The following ZKSCAN2 variants were observed in gnomAD, a reference collection of about 807,000 sequenced individuals.
The protein encoded by ZKSCAN2 is zinc finger with KRAB and SCAN domains 2.
Under a neutral mutation model 90.5 loss-of-function variants are expected in ZKSCAN2, and 38 were observed. That is an observed-to-expected ratio of 0.42 (90% confidence interval 0.32 to 0.55). The LOEUF (loss-of-function observed/expected upper bound fraction) is 0.55. ZKSCAN2 is among the 20% of genes least tolerant of loss of function. The probability of loss-of-function intolerance (pLI) is 0.11; values close to 1 mark genes in which losing one functional copy is unlikely to be tolerated. For missense variants in ZKSCAN2, 1,167 were observed against 1,202.6 expected (o/e 0.97, Z 0.44); for synonymous variants, 429 against 421.6 (o/e 1.02, Z -0.22).
chr16:25,257,366 G>T lies in ZKSCAN2; in HGVS notation c.-239C>A. 8.0e-7 allele frequency: 1 copy of T among 1,256,374 alleles called. No individual in the cohort carries two copies. Among genetic ancestry groups the T allele is most frequent in the East Asian group, 3.2e-5 (1 of 30,860 alleles). The allele number at this position is 1,256,374 out of a possible 1,614,324, so 77.8% of individuals were successfully genotyped here. On this transcript the variant is annotated 5_prime_UTR_variant, in exon 1 of 7. It introduces an in-frame stop codon into an upstream open reading frame of the 5' UTR. Coordinates refer to ENST00000328086, the MANE Select transcript of ZKSCAN2 (RefSeq NM_001012981.5). ...TCTTCTCCAAACAAGATGTGACCGC[G>T]CAATGTGGTTTTCCAGAGTGCATCC...
At chr16:25,246,566 T>G in intron 5 of ZKSCAN2, 141 bp downstream of exon 5, 1 of 826,360 alleles carries the variant, frequency 1.2e-6, no homozygotes, top group Non-Finnish European at 2.0e-6. Context: ...TGAGAGTACT[T>G]CAGTGATGTG....
chr16:25,256,886 T>C lies in ZKSCAN2; in HGVS notation c.242A>G (p.Lys81Arg). The C allele has an allele frequency of 6.2e-7, 1 of 1,614,216 alleles. No individual in the cohort carries two copies. Reference protein sequence around the residue: ...CRWLKPEMRSKEQILELLVIE... With the variant: ...CRWLKPEMRSREQILELLVIE... Reference sequence around the variant, plus strand: ...CACCAGCAGCTCAAGTATTTGCTCCTTGGAACGCATTTCTGGCTTCAGCCA... The same window carrying C: ...CACCAGCAGCTCAAGTATTTGCTCCCTGGAACGCATTTCTGGCTTCAGCCA... The change falls in exon 1 of 7, where the codon AAG becomes AGG. Residue 81 changes from lysine (K) to arginine (R), a missense_variant. Physicochemically the swap from Lys to Arg is conservative, Grantham distance 26. Transcript: ENST00000328086.
At chr16:25,247,937 G>T (rs1224331631) in intron 4 of ZKSCAN2, among the ~76,000 whole-genome samples, 5 of 152,132 alleles carry the variant, frequency 3.3e-5, no homozygotes, top group African/African-American at 1.2e-4. Context: ...GAGCATAGAA[G>T]GAAGTCCACA....
intron 4 of ZKSCAN2, among the ~76,000 whole-genome samples, chr16:25,247,928 A>G (rs1242574978): frequency 6.6e-6 from 1 of 152,194 alleles, no homozygotes; most frequent in Non-Finnish European, 1.5e-5. Context: ...CAGAATAGAG[A>G]GCATAGAAGG....
At chr16:25,242,067 G>C (rs940756377) in intron 6 of ZKSCAN2, among the ~76,000 whole-genome samples, 2 of 152,096 alleles carry the variant, frequency 1.3e-5, no homozygotes, top group Non-Finnish European at 2.9e-5. Flanking sequence ...TGGGGTGTAT[G>C]TTGCCCAGGC....
Position 25,240,516 on chromosome 16 carries a change from G to T in ZKSCAN2, c.2204C>A (p.Ala735Asp). ...CACAAAAGGCCTCTGATGCACAACG[G>T]CTTTCCCTAAATCTCTAGGCTGAGA... ...PMSQPRDLGK[A>D]VVHQRPFVGK... Residue 735 changes from alanine (A) to aspartate (D), a missense_variant, in exon 7 of 7, where the codon GCC becomes GAC. Coordinates refer to ENST00000328086, the MANE Select transcript of ZKSCAN2 (RefSeq NM_001012981.5). 1 of 1,614,090 alleles carries T rather than the reference G, an allele frequency of 6.2e-7. No homozygotes were observed. Among genetic ancestry groups the T allele is most frequent in the Non-Finnish European group, 8.5e-7 (1 of 1,180,012 alleles).
Position 25,238,582 on chromosome 16 carries a change from A to G in ZKSCAN2, c.*1234T>C, listed in dbSNP as rs1449362226. ...GATTGAAGTTTTTATAAATGTTCCC[A>G]CTTTTCACCCAGTGAGCTCTAGAGT... is the stretch of plus-strand genomic sequence containing the variant. On this transcript the variant is annotated 3_prime_UTR_variant, in exon 7 of 7. Coordinates refer to ENST00000328086, the MANE Select transcript of ZKSCAN2 (RefSeq NM_001012981.5). 1 of 152,174 alleles carries G rather than the reference A, an allele frequency of 6.6e-6. No individual in the cohort carries two copies. The highest frequency in any genetic ancestry group is 1.5e-5 in the Non-Finnish European group (1 of 68,018). 9.4% of individuals were successfully genotyped at this position (152,174 alleles called of 1,614,324 possible).
chr16:25,257,490 G>A lies in ZKSCAN2; in HGVS notation c.-363C>T. ...GCGGAGGCGGACAGCCGGGCCGGGA[G>A]GGGGTGTGTCCGCTACTCCCGGGTC... is the stretch of plus-strand genomic sequence containing the variant. On this transcript the variant is annotated 5_prime_UTR_variant, in exon 1 of 7. Coordinates refer to ENST00000328086, the MANE Select transcript of ZKSCAN2 (RefSeq NM_001012981.5). The A allele has an allele frequency of 4.0e-6, 4 of 1,006,490 alleles. No individual in the cohort carries two copies. In the South Asian group the frequency reaches 1.4e-4, roughly 34 times the overall value. The allele number at this position is 1,006,490 out of a possible 1,614,324, so 62.3% of individuals were successfully genotyped here.
chr16:25,242,468 T>A (rs774284378), intron 6 of ZKSCAN2, among the ~76,000 whole-genome samples: 1 of 152,176 alleles, frequency 6.6e-6, no homozygotes, highest in Non-Finnish European at 1.5e-5. Flanking sequence ...CTTAATCTAG[T>A]GTTATGGGAA....
rs918502973 is a variant in ZKSCAN2 at position 25,236,934 on chromosome 16, T to C, written c.*2882A>G. 2.6e-5 allele frequency: 4 copies of C among 152,574 alleles called. No homozygotes were observed. The highest frequency in any genetic ancestry group is 9.7e-5 in the African/African-American group (4 of 41,432). 9.5% of individuals were successfully genotyped at this position (152,574 alleles called of 1,614,324 possible). On this transcript the variant is annotated 3_prime_UTR_variant, in exon 7 of 7. Coordinates refer to ENST00000328086, the MANE Select transcript of ZKSCAN2 (RefSeq NM_001012981.5). Reference sequence around the variant, plus strand: ...GAAATAAGATGAAATTAAATAAATATAGGTTGGGGTAGTTGGTTGAGGTGG... The same window carrying C: ...GAAATAAGATGAAATTAAATAAATACAGGTTGGGGTAGTTGGTTGAGGTGG...
chr16:25,246,985 T>C lies in ZKSCAN2; in HGVS notation c.1211A>G (p.Tyr404Cys), dbSNP rs767784122. Residue 404 changes from tyrosine (Y) to cysteine (C), a missense_variant, in exon 5 of 7, where the codon TAT (tyrosine) becomes TGT (cysteine). Transcript: ENST00000328086. ...CATGTGGCCATTTCTCACCTTTCGA[T>C]AGCTTTTCTGGAGACTTTTGAACTT... is the stretch of plus-strand genomic sequence containing the variant. ...RTKFKSLQKS[Y>C]RKVRNGHMLE... 3.1e-6 allele frequency: 5 copies of C among 1,614,064 alleles called. No individual in the cohort carries two copies. The African/African-American group carries it at 4.0e-5, about 13-fold the overall frequency.
rs775742455 is a variant in ZKSCAN2, at chr16:25,247,127, C to G, written c.1069G>C (p.Glu357Gln). 3.1e-6 allele frequency: 5 copies of G among 1,614,088 alleles called. No individual in the cohort carries two copies. Among genetic ancestry groups the G allele is most frequent in the Admixed American group, 1.7e-5 (1 of 60,002 alleles). Residue 357 changes from glutamate to glutamine, a missense_variant, in exon 5 of 7, where the codon GAG becomes CAG. Transcript: ENST00000328086. ...ETKTFLAILK[E>Q]SRFYETLQAC... ...TGAAGTGTTTCATAAAAGCGAGACT[C>G]TTTGAGAATTGCCAGGAAAGTCTTT...
chr16:25,240,919 T>G (rs189056284), intron 6 of ZKSCAN2, among the ~76,000 whole-genome samples, 181 bp from the exon 7 acceptor site: 1 of 152,188 alleles, frequency 6.6e-6, no homozygotes, highest in African/African-American at 2.4e-5. Flanking sequence ...TAACAGCCAG[T>G]ACAGAGTAGG....
rs766104842 is a variant in ZKSCAN2 at position 25,239,437 on chromosome 16, C to T, written c.*379G>A. 6 of 164,372 alleles carry T rather than the reference C, an allele frequency of 3.7e-5. No individual in the cohort carries two copies. The highest frequency in any genetic ancestry group is 5.3e-5 in the Non-Finnish European group (4 of 75,364). The allele number at this position is 164,372 out of a possible 1,614,324, so 10.2% of individuals were successfully genotyped here. ...TTATCAAGTTTCATCCAGGATCTCA[C>T]GGAGTAGGTAATAACAACAAAAAAA... is the stretch of plus-strand genomic sequence containing the variant. On this transcript the variant is annotated 3_prime_UTR_variant, in exon 7 of 7. Coordinates refer to ENST00000328086, the MANE Select transcript of ZKSCAN2 (RefSeq NM_001012981.5).
Position 25,257,248 on chromosome 16 carries a change from T to A in ZKSCAN2, c.-121A>T. 4.7e-6 allele frequency: 7 copies of A among 1,494,446 alleles called. No homozygotes were observed. Among genetic ancestry groups the A allele is most frequent in the Non-Finnish European group, 6.2e-6 (7 of 1,129,872 alleles). The allele number at this position is 1,494,446 out of a possible 1,614,324, so 92.6% of individuals were successfully genotyped here. ...AGGTACGGAGGTAAAAACGGCCAGG[T>A]CGGCAGGAACAGGGTATTCCAGGCT... is the stretch of plus-strand genomic sequence containing the variant. On this transcript the variant is annotated 5_prime_UTR_variant, in exon 1 of 7. Transcript: ENST00000328086.
At chr16:25,242,716 T>C (rs190693507) in intron 6 of ZKSCAN2, among the ~76,000 whole-genome samples, 117 of 151,984 alleles carry the variant, frequency 7.7e-4, no homozygotes, top group African/African-American at 2.7e-3. Flanking sequence ...ATAAGCAGAG[T>C]TGAGGAAGGA....
chr16:25,245,327 CT>C (rs1962915695), intron 5 of ZKSCAN2, among the ~76,000 whole-genome samples: 2 of 152,294 alleles, frequency 1.3e-5, no homozygotes, highest in African/African-American at 4.8e-5. Context: ...TGCTCTCAAA[CT>C]CCTGGCCTCA....
In ZKSCAN2 at chr16:25,257,229, G is replaced by C. The variant is rs1057489821; in HGVS notation, c.-102C>G. 5 of 1,499,218 alleles carry C rather than the reference G, an allele frequency of 3.3e-6. No individual in the cohort carries two copies. In the African/African-American group the frequency reaches 7.0e-5, roughly 21 times the overall value. 92.9% of individuals were successfully genotyped at this position (1,499,218 alleles called of 1,614,324 possible). ...TGTTCCTGGGAGTGTGATAAGGTAC[G>C]GAGGTAAAAACGGCCAGGTCGGCAG... On this transcript the variant is annotated 5_prime_UTR_variant, in exon 1 of 7. Coordinates refer to ENST00000328086, the MANE Select transcript of ZKSCAN2 (RefSeq NM_001012981.5).
intron 5 of ZKSCAN2, 147 bp downstream of exon 5, chr16:25,246,560 A>T: frequency 2.6e-6 from 2 of 775,868 alleles, no homozygotes; most frequent in South Asian, 3.3e-5. Context: ...AGCACCTGAG[A>T]GTACTTCAGT....
Sources: allele counts gnomAD v4.1 joint callset (sites outside exome capture counted in the v4.1 genomes callset), GRCh38; gene constraint gnomAD v4.1.1; transcripts MANE v1.5; gene names NCBI Gene and HGNC (gene_info 2026-07-23, HGNC 2026-07-21).